NDST3: variants seen among roughly 807,000 people sequenced by gnomAD.
NDST3 encodes N-deacetylase and N-sulfotransferase 3.
NDST3 carries 58 observed loss-of-function variants against 96.1 expected under a neutral mutation model. The observed-to-expected ratio is 0.60, with a 90% CI of 0.49 to 0.75. The LOEUF is 0.75. Among genes scored for constraint, NDST3 ranks in the 30% least tolerant of loss-of-function variants. The pLI, the probability that NDST3 is intolerant of heterozygous loss-of-function variation, is 0.00. For missense variants in NDST3, 788 were observed against 1,034.2 expected, an observed-to-expected ratio of 0.76 and a Z score of 3.27; for synonymous variants, 333 against 359.7, an observed-to-expected ratio of 0.93 and a Z score of 0.84.
chr4:118,193,824 C>T, intron 6 of NDST3: 2 of 1,433,444 alleles, frequency 1.4e-6, no homozygotes, highest in Non-Finnish European at 9.6e-7. Flanking sequence ...AGGTAAGAGG[C>T]CAGTTGAAGG....
chr4:118,068,565 A>C (rs1272330605), intron 2 of NDST3, among the ~76,000 whole-genome samples: 1 of 152,136 alleles, frequency 6.6e-6, no homozygotes, highest in Non-Finnish European at 1.5e-5. Context: ...ATGTTTGCTT[A>C]AAAATGCAGA....
chr4:118,222,035 C>T (rs1387940733), intron 6 of NDST3, among the ~76,000 whole-genome samples: 1 of 151,040 alleles, frequency 6.6e-6, no homozygotes, highest in Admixed American at 6.6e-5. Flanking sequence ...CTGAAGCACT[C>T]TTAAAATTGT....
chr4:118,117,846 A>C (rs1306848476), intron 4 of NDST3, among the ~76,000 whole-genome samples: 2 of 152,182 alleles, frequency 1.3e-5, no homozygotes, highest in Admixed American at 1.3e-4. Context: ...GTGTGAATCA[A>C]GATTTCTTTT....
chr4:118,147,285 G>A (rs544527725), intron 6 of NDST3, among the ~76,000 whole-genome samples: 1 of 152,160 alleles, frequency 6.6e-6, no homozygotes, highest in Admixed American at 6.5e-5. Flanking sequence ...ACCTCAGAGT[G>A]TTCGTTGATT....
At chr4:118,050,669 G>A (rs910674359) in intron 1 of NDST3, among the ~76,000 whole-genome samples, 2 of 151,890 alleles carry the variant, frequency 1.3e-5, no homozygotes, top group African/African-American at 4.8e-5. Flanking sequence ...GCTAGCCAAG[G>A]AGGTAAAAGA....
intron 6 of NDST3, among the ~76,000 whole-genome samples, chr4:118,159,631 A>G (rs1271570765): frequency 6.6e-6 from 1 of 152,248 alleles, no homozygotes; most frequent in Non-Finnish European, 1.5e-5. Flanking sequence ...CCTGACGAGA[A>G]TTCAAAATAA....
chr4:118,118,856 T>A (rs1162398618), intron 4 of NDST3, among the ~76,000 whole-genome samples: 4 of 152,092 alleles, frequency 2.6e-5, no homozygotes, highest in African/African-American at 9.7e-5. Context: ...GAATAACATA[T>A]CATTAGAAAG....
chr4:118,256,910 G>A lies in NDST3; in HGVS notation c.*1198G>A, dbSNP rs1039093897. ...GATATAAGGCAAAGAAACATAAGCA[G>A]AGCAGAGGCCCATTTTTGAAAATAT... On this transcript the variant is annotated 3_prime_UTR_variant, in exon 14 of 14. Transcript: ENST00000296499. 2 of 152,170 alleles carry A rather than the reference G, an allele frequency of 1.3e-5. No homozygotes were observed. Among genetic ancestry groups the A allele is most frequent in the African/African-American group, 4.8e-5 (2 of 41,448 alleles). 9.4% of individuals were successfully genotyped at this position (152,170 alleles called of 1,614,324 possible).
At chr4:118,194,049 A>T in intron 6 of NDST3, 2 of 1,438,044 alleles carry the variant, frequency 1.4e-6, no homozygotes, top group Non-Finnish European at 1.9e-6. Flanking sequence ...TGTAATTCAT[A>T]TTTCAGCTAG....
chr4:118,131,400 T>C (rs758147703), intron 4 of NDST3, among the ~76,000 whole-genome samples: 2 of 151,986 alleles, frequency 1.3e-5, no homozygotes, highest in African/African-American at 2.4e-5. Context: ...TTCTTCAGTA[T>C]GTCAATTGCA....
Position 118,054,306 on chromosome 4 carries a change from T to G in NDST3, c.396T>G (p.Ile132Met). The G allele has an allele frequency of 6.2e-7, 1 of 1,610,880 alleles. No homozygotes were observed. Among genetic ancestry groups the G allele is most frequent in the Non-Finnish European group, 8.5e-7 (1 of 1,178,328 alleles). ...TGAAAGGCAAATACATTCTCATTAT[T>G]TATGAGAATATTTTAAAGTATATAA... ...DKMKGKYILI[I>M]YENILKYINM... Residue 132 changes from isoleucine to methionine, a missense_variant, in exon 2 of 14, where the codon ATT becomes ATG. This residue lies in a region of NDST3 where 234 missense variants were observed against 256.9 expected (regional missense o/e 0.91). Coordinates refer to ENST00000296499, the MANE Select transcript of NDST3 (RefSeq NM_004784.3).
At chr4:118,145,586 A>G (rs1733879897) in intron 6 of NDST3, among the ~76,000 whole-genome samples, 1 of 152,220 alleles carries the variant, frequency 6.6e-6, no homozygotes, top group African/African-American at 2.4e-5. Flanking sequence ...AAAACCTTAC[A>G]GTAAAGTTTA....
In NDST3 at chr4:118,237,181, T is replaced by C. The variant is rs769821144; in HGVS notation, c.2079T>C (p.Ile693=). 1.2e-6 allele frequency: 2 copies of C among 1,613,348 alleles called. No homozygotes were observed. The highest frequency in any genetic ancestry group is 2.2e-5 in the East Asian group (1 of 44,858). ...SLVPKAKIIT[I]LIDPSDRAYS... ...TTCCCAAAGCCAAGATTATCACCAT[T>C]CTCATTGACCCTTCAGACCGAGCAT... Residue 693 remains isoleucine (I), a synonymous_variant, in exon 10 of 14, where the codon ATT becomes ATC. Transcript: ENST00000296499.
chr4:118,226,045 A>T (rs1427727563), intron 7 of NDST3, among the ~76,000 whole-genome samples: 2 of 152,082 alleles, frequency 1.3e-5, no homozygotes, highest in Admixed American at 1.3e-4. Context: ...TTTAGTCTTA[A>T]CATCTGTTGC....
At chr4:118,185,791 A>G (rs940576424) in intron 6 of NDST3, among the ~76,000 whole-genome samples, 9 of 152,194 alleles carry the variant, frequency 5.9e-5, no homozygotes, top group Non-Finnish European at 1.2e-4. Context: ...TCAGTGATTG[A>G]CACAAGAATG....
rs28484271 is a variant in NDST3, at chr4:118,083,960, C to T, written c.982-21058C>T. ...CAGAAAATCCTCTCTACTCTGTAGACTCCATTGCCAATGAGAACAATAGGT... is the reference window on the plus strand; with the variant it reads ...CAGAAAATCCTCTCTACTCTGTAGATTCCATTGCCAATGAGAACAATAGGT... On this transcript the variant is annotated intron_variant, in intron 2 of 13. Transcript: ENST00000296499. 6.0e-3 allele frequency among the ~76,000 whole-genome samples: 913 copies of T among 152,284 alleles called. 10 individuals carry two copies. Among genetic ancestry groups the T allele is most frequent in the African/African-American group, 0.021 (856 of 41,554 alleles).
In NDST3 at chr4:118,071,203, T is replaced by C. The variant is rs1422898199; in HGVS notation, c.981+16312T>C. Among the ~76,000 whole-genome samples the C allele has an allele frequency of 3.3e-5, 5 of 152,276 alleles. No homozygotes were observed. The South Asian group carries it at 8.3e-4, about 25-fold the overall frequency. On this transcript the variant is annotated intron_variant, in intron 2 of 13. Coordinates refer to ENST00000296499, the MANE Select transcript of NDST3 (RefSeq NM_004784.3). ...AAACATACGTGTGCATGTGTCTTTA[T>C]AGCAGCATGATTTATAATCGTTGAC...
chr4:118,036,179 G>A (rs1724138990), intron 1 of NDST3, among the ~76,000 whole-genome samples: 3 of 151,964 alleles, frequency 2.0e-5, no homozygotes, highest in Admixed American at 1.3e-4. Flanking sequence ...TTTTAAAACT[G>A]TAAAGAAATT....
At chr4:118,047,504 T>A (rs1204984853) in intron 1 of NDST3, among the ~76,000 whole-genome samples, 1 of 152,218 alleles carries the variant, frequency 6.6e-6, no homozygotes, top group Admixed American at 6.5e-5. Flanking sequence ...AGGAATTTAT[T>A]TATACTATCC....
Sources: gnomAD v4.1 joint callset for allele counts (sites outside exome capture counted in the v4.1 genomes callset) on GRCh38, gnomAD v4.1.1 for gene constraint, gnomAD v4.1.1 regional missense constraint, MANE v1.5 for transcripts, NCBI Gene and HGNC (gene_info 2026-07-23, HGNC 2026-07-21) for gene names.